The following DMXL2 variants were observed in gnomAD, a reference collection of about 807,000 sequenced individuals.
The protein encoded by DMXL2 is Dmx like 2, also known as dmX-like protein 2.
A neutral mutation model predicts 331.1 loss-of-function variants in DMXL2; 103 were observed. The ratio of observed to expected loss-of-function variants is 0.31; its 90% CI spans 0.27 to 0.37. The LOEUF (loss-of-function observed/expected upper bound fraction) is 0.37. DMXL2 is among the 10% of genes least tolerant of loss of function. The pLI, the probability that DMXL2 is intolerant of heterozygous loss-of-function variation, is 1.00. For synonymous variants in DMXL2, 1,281 were observed against 1,252.1 expected, an observed-to-expected ratio of 1.02 and a Z score of -0.49; for missense variants, 3,171 against 3,642.9, an observed-to-expected ratio of 0.87 and a Z score of 3.33.
At chr15:51,508,302 T>A (rs1198525507) in intron 15 of DMXL2, among the ~76,000 whole-genome samples, 1 of 152,164 alleles carries the variant, frequency 6.6e-6, no homozygotes, top group Non-Finnish European at 1.5e-5. Flanking sequence ...GTTCTGCACA[T>A]CTATCGCAGA....
Position 51,453,645 on chromosome 15 carries a change from C to A in DMXL2, c.8605-4G>T. The A allele has an allele frequency of 3.7e-6, 6 of 1,610,730 alleles. No individual in the cohort carries two copies. The highest frequency in any genetic ancestry group is 5.1e-6 in the Non-Finnish European group (6 of 1,178,668). On this transcript the variant is annotated splice_region_variant and splice_polypyrimidine_tract_variant and intron_variant, in intron 40 of 43. Coordinates refer to ENST00000560891, the MANE Select transcript of DMXL2 (RefSeq NM_001378457.1). ...CTTTACTGTGGCACTGCCAACTCTACGAAAAACAAAGTGCAACTGATGTTA... is the reference window on the plus strand; with the variant it reads ...CTTTACTGTGGCACTGCCAACTCTAAGAAAAACAAAGTGCAACTGATGTTA...
chr15:51,531,238 G>C (rs1279470194), intron 13 of DMXL2, among the ~76,000 whole-genome samples: 1 of 152,112 alleles, frequency 6.6e-6, no homozygotes, highest in African/African-American at 2.4e-5. Context: ...CACACCTACA[G>C]TGAACTCATT....
At chr15:51,500,501 A>G (rs2043512609) in intron 17 of DMXL2, among the ~76,000 whole-genome samples, 1 of 152,252 alleles carries the variant, frequency 6.6e-6, no homozygotes, top group Non-Finnish European at 1.5e-5. Flanking sequence ...TGAGGCAACC[A>G]TTTAATTAAA....
intron 1 of DMXL2, among the ~76,000 whole-genome samples, chr15:51,591,650 C>A (rs1401559246): frequency 6.6e-6 from 1 of 152,170 alleles, no homozygotes; most frequent in Non-Finnish European, 1.5e-5. Context: ...GTCCCTGACC[C>A]CCGAGTAGCC....
rs1240288667 is a variant in DMXL2, at chr15:51,593,916, G to A, written c.88-17735C>T. Among the ~76,000 whole-genome samples the A allele has an allele frequency of 2.6e-5, 4 of 152,224 alleles. No homozygotes were observed. In the East Asian group the frequency reaches 7.7e-4, roughly 29 times the overall value. On this transcript the variant is annotated intron_variant, in intron 1 of 43. Transcript: ENST00000560891. ...GAATCTCTGGGACACATTCAAAGCA[G>A]TGTGTAGAGGGAAATTTATAGCACT...
rs2041403529 is a variant in DMXL2 at position 51,474,532 on chromosome 15, T to G, written c.7025A>C (p.Asn2342Thr). The G allele has an allele frequency of 6.2e-7, 1 of 1,614,008 alleles. No individual in the cohort carries two copies. Among genetic ancestry groups the G allele is most frequent in the African/African-American group, 1.3e-5 (1 of 74,940 alleles). Reference sequence around the variant, plus strand: ...AACAACAGCTTCACATAGCAAAATGTTCAGTTTTGGCTGGTCTTCATCTTG... The same window carrying G: ...AACAACAGCTTCACATAGCAAAATGGTCAGTTTTGGCTGGTCTTCATCTTG... ...SAQDEDQPKLNILLCEAVVAV... is the reference protein window; with the variant it reads ...SAQDEDQPKLTILLCEAVVAV... Residue 2342 changes from asparagine to threonine, a missense_variant, in exon 28 of 44, where the codon AAC (asparagine) becomes ACC (threonine). Physicochemically the swap from Asn to Thr is moderately conservative, Grantham distance 65. Coordinates refer to ENST00000560891, the MANE Select transcript of DMXL2 (RefSeq NM_001378457.1).
intron 13 of DMXL2, among the ~76,000 whole-genome samples, chr15:51,520,988 C>A (rs928574180): frequency 1.3e-5 from 2 of 152,102 alleles, no homozygotes; most frequent in African/African-American, 4.8e-5. Context: ...TTTGACCATG[C>A]CTAATTAGTG....
chr15:51,609,906 G>C (rs554500861), intron 1 of DMXL2, among the ~76,000 whole-genome samples: 5 of 150,636 alleles, frequency 3.3e-5, no homozygotes, highest in African/African-American at 1.2e-4. Context: ...CTCCAGCCTG[G>C]GCAACAAGAG....
chr15:51,504,565 A>G (rs2043919522), intron 16 of DMXL2, among the ~76,000 whole-genome samples: 1 of 152,182 alleles, frequency 6.6e-6, no homozygotes, highest in Non-Finnish European at 1.5e-5. Flanking sequence ...GGCAGGGATG[A>G]TGTGTTGTTA....
intron 15 of DMXL2, among the ~76,000 whole-genome samples, chr15:51,511,460 T>C (rs1430667595): frequency 6.6e-6 from 1 of 152,142 alleles, no homozygotes; most frequent in African/African-American, 2.4e-5. Flanking sequence ...CACTGGTCAT[T>C]AGAGAAACGC....
chr15:51,621,755 G>C (rs1216690957), intron 1 of DMXL2, among the ~76,000 whole-genome samples: 1 of 150,692 alleles, frequency 6.6e-6, no homozygotes, highest in Non-Finnish European at 1.5e-5. Flanking sequence ...TTAAAAAAAA[G>C]GCTACCTTAC....
At chr15:51,535,199 G>T (rs1455764610) in intron 13 of DMXL2, among the ~76,000 whole-genome samples, 1 of 152,066 alleles carries the variant, frequency 6.6e-6, no homozygotes. Context: ...ATGACTTCCA[G>T]CTCAGATACA....
At position 51,503,048 on chromosome 15, in the gene DMXL2, T is replaced by G; in HGVS notation, c.2765-15A>C. The G allele has an allele frequency of 1.3e-6, 2 of 1,531,250 alleles. No homozygotes were observed. The highest frequency in any genetic ancestry group is 1.8e-6 in the Non-Finnish European group (2 of 1,119,182). The allele number at this position is 1,531,250 out of a possible 1,614,324, so 94.9% of individuals were successfully genotyped here. A position where few individuals can be genotyped will look rare whatever the true frequency, so the allele number is the denominator to read the frequency against. On this transcript the variant is annotated splice_polypyrimidine_tract_variant and intron_variant, in intron 16 of 43. Coordinates refer to ENST00000560891, the MANE Select transcript of DMXL2 (RefSeq NM_001378457.1). ...TGAAGCTTTAGCTTTAAAAATAAAT[T>G]ATAAAATTACAAAATGTATGTATAT...
At chr15:51,527,795 A>C (rs1396449806) in intron 13 of DMXL2, among the ~76,000 whole-genome samples, 2 of 152,194 alleles carry the variant, frequency 1.3e-5, no homozygotes, top group Non-Finnish European at 2.9e-5. Context: ...AAAACACAGA[A>C]TATTACACTG....
intron 1 of DMXL2, among the ~76,000 whole-genome samples, chr15:51,595,589 C>G (rs1257359595): frequency 6.6e-6 from 1 of 152,160 alleles, no homozygotes; most frequent in African/African-American, 2.4e-5. Flanking sequence ...CATATGGAAC[C>G]AAAACAGAGC....
chr15:51,457,588 A>G, intron 36 of DMXL2, 122 bp from the exon 37 acceptor site: 1 of 1,197,200 alleles, frequency 8.4e-7, no homozygotes, highest in Non-Finnish European at 1.2e-6. Context: ...TAGCCATGAG[A>G]AAAACTTAGG....
At chr15:51,466,608 C>CAATA (rs912773302) in intron 29 of DMXL2, 2 of 151,524 alleles carry the variant, frequency 1.3e-5, no homozygotes, top group African/African-American at 4.9e-5. Context: ...TATAGATCAG[C>CAATA]AATAAATAGT....
intron 25 of DMXL2, among the ~76,000 whole-genome samples, 158 bp downstream of exon 25, chr15:51,479,790 T>C (rs985097123): frequency 6.6e-6 from 1 of 152,216 alleles, no homozygotes; most frequent in African/African-American, 2.4e-5. Flanking sequence ...GAACACTTAC[T>C]TTTAAATTAC....
At chr15:51,510,493 C>A (rs2046690637) in intron 15 of DMXL2, among the ~76,000 whole-genome samples, 1 of 150,984 alleles carries the variant, frequency 6.6e-6, no homozygotes, top group African/African-American at 2.4e-5. Context: ...ATACAACTTA[C>A]AAGACCCTCT....
Sources: allele counts gnomAD v4.1 joint callset (sites outside exome capture counted in the v4.1 genomes callset), GRCh38; gene constraint gnomAD v4.1.1; transcripts MANE v1.5; gene names NCBI Gene and HGNC (gene_info 2026-07-23, HGNC 2026-07-21).